ANO1: variants seen among roughly 807,000 people sequenced by gnomAD.
The protein encoded by ANO1 is anoctamin 1.
A neutral mutation model predicts 124.0 loss-of-function variants in ANO1; 59 were observed. The observed-to-expected ratio is 0.48, with a 90% confidence interval of 0.39 to 0.59. The LOEUF (loss-of-function observed/expected upper bound fraction) is 0.59, where lower values mean the gene tolerates loss of function less well. ANO1 is among the 20% of genes least tolerant of loss of function. The pLI is 0.00. For missense variants in ANO1, 1,059 were observed against 1,328.0 expected, an observed-to-expected ratio of 0.80 and a Z score of 3.15; for synonymous variants, 529 against 532.0, an observed-to-expected ratio of 0.99 and a Z score of 0.08.
At chr11:70,124,199 C>A in intron 8 of ANO1, 151 bp from the exon 9 acceptor site, 1 of 678,170 alleles carries the variant, frequency 1.5e-6, no homozygotes. Flanking sequence ...TTTCCCATCC[C>A]CACGTTCACA....
intron 1 of ANO1, among the ~76,000 whole-genome samples, chr11:69,995,104 T>TTTTG (rs1565156276): frequency 2.8e-5 from 4 of 141,678 alleles, no homozygotes; most frequent in African/African-American, 7.9e-5. Flanking sequence ...TTTTTTTTTT[T>TTTTG]TTTTTTTTTT....
chr11:70,139,758 G>T (rs1278207568), intron 11 of ANO1, among the ~76,000 whole-genome samples: 2 of 152,184 alleles, frequency 1.3e-5, no homozygotes, highest in Non-Finnish European at 2.9e-5. Flanking sequence ...ATTCCTTTGG[G>T]CATATACCCA....
intron 1 of ANO1, among the ~76,000 whole-genome samples, chr11:70,010,179 G>GTGTGTGTATA: frequency 6.0e-5 from 5 of 83,776 alleles, no homozygotes; most frequent in South Asian, 4.7e-4. Context: ...GTGTGTGTGT[G>GTGTGTGTATA]TATATATATA....
Position 70,000,167 on chromosome 11 carries a change from G to A in ANO1, c.58+14001G>A, listed in dbSNP as rs371203785. Among the ~76,000 whole-genome samples the A allele has an allele frequency of 6.6e-5, 10 of 152,044 alleles. No individual in the cohort carries two copies. The East Asian group carries it at 1.5e-3, about 23-fold the overall frequency. ...GTGGGGACATAGCTACCCAAAATGA[G>A]CCCTTGGGAAAAAAAATGAACGGAG... On this transcript the variant is annotated intron_variant, in intron 1 of 27. Transcript: ENST00000531349.
At chr11:70,014,421 G>C (rs1449895936) in intron 1 of ANO1, among the ~76,000 whole-genome samples, 2 of 152,080 alleles carry the variant, frequency 1.3e-5, no homozygotes, top group African/African-American at 4.8e-5. Flanking sequence ...TTGTGTGCCC[G>C]ACTCCTTTCC....
At chr11:70,095,279 G>GGAAGGAAGGAAGGAAGGAAGGAAAGAAA (rs1193160922) in intron 2 of ANO1, among the ~76,000 whole-genome samples, 9 of 95,556 alleles carry the variant, frequency 9.4e-5, no homozygotes, top group Admixed American at 2.1e-4. Context: ...AAGGAAGGAA[G>GGAAGGAAGGAAGGAAGGAAGGAAAGAAA]GAAGGAAGGA....
At position 70,161,145 on chromosome 11, in the gene ANO1, CCT is replaced by C; in HGVS notation, c.1579-15_1579-14del. The C allele has an allele frequency of 6.2e-7, 1 of 1,610,230 alleles. No individual in the cohort carries two copies. Among genetic ancestry groups the C allele is most frequent in the Non-Finnish European group, 8.5e-7 (1 of 1,178,544 alleles). On this transcript the variant is annotated splice_polypyrimidine_tract_variant and intron_variant, in intron 16 of 25. Transcript: ENST00000355303. Reference sequence around the variant, plus strand: ...GGGTGGGCCCCCAACCAAGAGTGCCCCTTTCCCCCCTGCAGATTGCAGTGACG... The same window carrying C: ...GGGTGGGCCCCCAACCAAGAGTGCCCTTCCCCCCTGCAGATTGCAGTGACG...
chr11:70,108,992 A>C (rs1367933342), intron 6 of ANO1, among the ~76,000 whole-genome samples: 1 of 152,190 alleles, frequency 6.6e-6, no homozygotes, highest in Non-Finnish European at 1.5e-5. Flanking sequence ...ACCACCCCCC[A>C]CAGTGGGTCC....
intron 1 of ANO1, among the ~76,000 whole-genome samples, chr11:70,043,302 A>G (rs139604862): frequency 1.8e-4 from 28 of 152,310 alleles, no homozygotes; most frequent in Middle Eastern, 3.4e-3. Flanking sequence ...CAGAGAGAAA[A>G]AACACTGGGA....
chr11:70,158,899 C>G (rs1213666797), intron 16 of ANO1, among the ~76,000 whole-genome samples: 2 of 151,992 alleles, frequency 1.3e-5, no homozygotes, highest in Non-Finnish European at 2.9e-5. Context: ...TGGGAGGGCA[C>G]CCGGCCTCGT....
At chr11:70,174,319 C>G (rs1042464128) in intron 22 of ANO1, among the ~76,000 whole-genome samples, 4 of 150,588 alleles carry the variant, frequency 2.7e-5, no homozygotes, top group African/African-American at 9.8e-5. Flanking sequence ...TCGCATGAAC[C>G]CGGGAGGCGG....
intron 1 of ANO1, among the ~76,000 whole-genome samples, chr11:69,986,552 G>GT (rs1347206693): frequency 6.6e-6 from 1 of 152,176 alleles, no homozygotes; most frequent in Non-Finnish European, 1.5e-5. Flanking sequence ...GTTTTCGGAT[G>GT]TTTTTACAGG....
chr11:70,014,707 A>C (rs553281736), intron 1 of ANO1, among the ~76,000 whole-genome samples: 4 of 152,184 alleles, frequency 2.6e-5, no homozygotes, highest in East Asian at 3.9e-4. Flanking sequence ...TTCGGCTCTA[A>C]GAAATGATAC....
At chr11:69,966,897 C>A in the ANO1 span, among the ~76,000 whole-genome samples, 1 of 152,276 alleles carries the variant, frequency 6.6e-6, no homozygotes, top group African/African-American at 2.4e-5. Context: ...GGGTGGCAAA[C>A]AACCCCTCCT....
intron 1 of ANO1, among the ~76,000 whole-genome samples, chr11:70,017,804 G>A (rs944162616): frequency 3.3e-5 from 5 of 152,218 alleles, no homozygotes; most frequent in Middle Eastern, 3.4e-3. Context: ...ACAGGCATGA[G>A]CCACAGTACC....
At chr11:70,125,665 A>G (rs530227812) in intron 9 of ANO1, among the ~76,000 whole-genome samples, 1 of 150,648 alleles carries the variant, frequency 6.6e-6, no homozygotes, top group South Asian at 2.1e-4. Flanking sequence ...TAACACGGCG[A>G]AACTCCATCT....
intron 1 of ANO1, among the ~76,000 whole-genome samples, chr11:70,067,754 C>T (rs1034845903): frequency 1.3e-5 from 2 of 152,180 alleles, no homozygotes; most frequent in African/African-American, 2.4e-5. Context: ...CCAGACCTCC[C>T]GACCCCCTGC....
At chr11:70,163,249 A>G (rs2048125184) in intron 18 of ANO1, 34 bp from the exon 19 acceptor site, 1 of 1,608,534 alleles carries the variant, frequency 6.2e-7, no homozygotes, top group Admixed American at 1.7e-5. Context: ...CCAGGGGCTC[A>G]TCTTTTCTCT....
chr11:69,993,748 G>T (rs937234849), intron 1 of ANO1, among the ~76,000 whole-genome samples: 1 of 152,180 alleles, frequency 6.6e-6, no homozygotes, highest in African/African-American at 2.4e-5. Context: ...CAAACAAGAT[G>T]ACTTCACTCT....
Sources: allele counts gnomAD v4.1 joint callset (sites outside exome capture counted in the v4.1 genomes callset), GRCh38; gene constraint gnomAD v4.1.1; transcripts MANE v1.5; gene names NCBI Gene and HGNC (gene_info 2026-07-23, HGNC 2026-07-21).